Variants in CCDC3 observed in about 807,000 individuals in gnomAD.
The protein encoded by CCDC3 is coiled-coil domain containing 3.
Under a neutral mutation model 21.4 loss-of-function variants are expected in CCDC3, and 24 were observed. The observed-to-expected ratio is 1.12, with a 90% CI of 0.81 to 1.58. CCDC3 has a LOEUF of 1.58. Among genes scored for constraint, CCDC3 ranks in the 40% most tolerant of loss-of-function variants. CCDC3 has a pLI of 0.00. For synonymous variants in CCDC3, 186 were observed against 166.0 expected, an observed-to-expected ratio of 1.12 and a Z score of -0.93; for missense variants, 425 against 360.9, an observed-to-expected ratio of 1.18 and a Z score of -1.44.
chr10:12,913,331 T>A (rs1834298937), intron 2 of CCDC3, among the ~76,000 whole-genome samples: 1 of 152,270 alleles, frequency 6.6e-6, no homozygotes, highest in Non-Finnish European at 1.5e-5. Context: ...AGTATGTTAT[T>A]ATTTTGTAAC....
chr10:13,043,704 C>T (rs371865061), intron 5 of CCDC3, among the ~76,000 whole-genome samples: 34 of 152,304 alleles, frequency 2.2e-4, no homozygotes, highest in African/African-American at 7.5e-4. Context: ...TTCCTGGCTG[C>T]GTAGTATTCC....
chr10:13,018,023 C>T (rs537783211), intron 5 of CCDC3, among the ~76,000 whole-genome samples: 1 of 151,958 alleles, frequency 6.6e-6, no homozygotes, highest in African/African-American at 2.4e-5. Context: ...TAGAGCAGAG[C>T]AAACCCTAAA....
chr10:13,000,707 G>T (rs757739034), intron 1 of CCDC3, among the ~76,000 whole-genome samples: 7 of 152,168 alleles, frequency 4.6e-5, no homozygotes, highest in African/African-American at 1.4e-4. Context: ...CATGAGTTAC[G>T]TTCCTCACTC....
At chr10:12,994,151 A>G (rs1414591672) in intron 2 of CCDC3, among the ~76,000 whole-genome samples, 1 of 152,144 alleles carries the variant, frequency 6.6e-6, no homozygotes, top group Non-Finnish European at 1.5e-5. Flanking sequence ...TAATCCCAGA[A>G]CTTTGGGAGG....
chr10:12,960,172 C>CACACACACACA (rs1205161590), intron 2 of CCDC3, among the ~76,000 whole-genome samples: 2 of 145,664 alleles, frequency 1.4e-5, no homozygotes, highest in Admixed American at 6.8e-5. Context: ...ACACACAACA[C>CACACACACACA]ACACACACAC....
chr10:13,005,298 A>T (rs987138080), upstream of CCDC3, among the ~76,000 whole-genome samples: 2 of 152,332 alleles, frequency 1.3e-5, no homozygotes, highest in Admixed American at 1.3e-4. Flanking sequence ...GCCATAAACC[A>T]TATGAGTGGA....
At chr10:12,946,380 G>C (rs1426705940) in intron 2 of CCDC3, among the ~76,000 whole-genome samples, 2 of 152,208 alleles carry the variant, frequency 1.3e-5, no homozygotes, top group East Asian at 3.8e-4. Flanking sequence ...ATAACAAACT[G>C]CACCTTAATT....
chr10:12,983,169 T>TATATATATATATAC (rs1564308503), intron 2 of CCDC3, among the ~76,000 whole-genome samples: 2 of 133,416 alleles, frequency 1.5e-5, no homozygotes, highest in African/African-American at 5.6e-5. Context: ...TATATATATA[T>TATATATATATATAC]ATATAAAATC....
intron 2 of CCDC3, among the ~76,000 whole-genome samples, chr10:12,992,393 G>GAAACA (rs1288107302): frequency 2.6e-5 from 4 of 151,634 alleles, no homozygotes; most frequent in Non-Finnish European, 5.9e-5. Context: ...CATCTCAAAA[G>GAAACA]AAACAAAACA....
intron 2 of CCDC3, among the ~76,000 whole-genome samples, chr10:12,932,643 C>A (rs1347160543): frequency 6.6e-6 from 1 of 152,118 alleles, no homozygotes; most frequent in Admixed American, 6.5e-5. Context: ...AATCTGTATA[C>A]CTTTGATTTT....
At chr10:13,006,464 C>G (rs1835925636), upstream of CCDC3, among the ~76,000 whole-genome samples, 1 of 152,240 alleles carries the variant, frequency 6.6e-6, no homozygotes, top group South Asian at 2.1e-4. Flanking sequence ...CTGATGAGTT[C>G]AGTGGAGATG....
intron 2 of CCDC3, among the ~76,000 whole-genome samples, chr10:12,988,255 G>GC (rs1246388183): frequency 6.6e-6 from 1 of 152,104 alleles, no homozygotes; most frequent in Admixed American, 6.6e-5. Context: ...TGCCTGGCAT[G>GC]CTTTTCTGCC....
At chr10:13,020,267 G>A (rs1173302701) in intron 5 of CCDC3, among the ~76,000 whole-genome samples, 1 of 152,096 alleles carries the variant, frequency 6.6e-6, no homozygotes, top group Non-Finnish European at 1.5e-5. Flanking sequence ...TTCAGGGGTG[G>A]GACTCAGCTA....
At chr10:13,034,541 AT>A (rs750328502) in intron 5 of CCDC3, among the ~76,000 whole-genome samples, 7 of 146,984 alleles carry the variant, frequency 4.8e-5, no homozygotes, top group African/African-American at 7.6e-5. Flanking sequence ...AAAAAAAAAA[AT>A]GGGTACATTT....
In CCDC3 at chr10:13,063,648, C is replaced by A. The variant is rs116920115; in HGVS notation, c.-270+10220G>T. 6.1e-3 allele frequency among the ~76,000 whole-genome samples: 934 copies of A among 152,302 alleles called. 40 individuals are homozygous for A. The South Asian group carries it at 0.087, about 14-fold the overall frequency. ...GATTAAAAACCCAGTCGCCTAGCGCCAGAGTCTGTTCCACCAGATGTACCA... is the reference window on the plus strand; with the variant it reads ...GATTAAAAACCCAGTCGCCTAGCGCAAGAGTCTGTTCCACCAGATGTACCA... On this transcript the variant is annotated intron_variant, in intron 4 of 6. Transcript: ENST00000378839.
At chr10:12,931,522 C>T (rs949577824) in intron 2 of CCDC3, among the ~76,000 whole-genome samples, 2 of 152,212 alleles carry the variant, frequency 1.3e-5, no homozygotes, top group African/African-American at 2.4e-5. Context: ...GTTTCTGCTG[C>T]ACCAGCTATT....
intron 5 of CCDC3, among the ~76,000 whole-genome samples, chr10:13,024,691 T>C (rs1836192548): frequency 6.6e-6 from 1 of 152,372 alleles, no homozygotes; most frequent in African/African-American, 2.4e-5. Context: ...GCTTAACTTG[T>C]ACCTTCTGTT....
At chr10:12,976,015 G>T (rs1835412629) in intron 2 of CCDC3, among the ~76,000 whole-genome samples, 1 of 152,320 alleles carries the variant, frequency 6.6e-6, no homozygotes, top group Admixed American at 6.5e-5. Context: ...CTATTTGCCT[G>T]TAAGCCCTAT....
chr10:12,918,493 C>T (rs1250345993), intron 2 of CCDC3, among the ~76,000 whole-genome samples: 1 of 152,192 alleles, frequency 6.6e-6, no homozygotes, highest in Non-Finnish European at 1.5e-5. Flanking sequence ...AATTCCTAAT[C>T]AGGGAACCAA....
Sources: gnomAD v4.1 joint callset for allele counts (sites outside exome capture counted in the v4.1 genomes callset) on GRCh38, gnomAD v4.1.1 for gene constraint, MANE v1.5 for transcripts, NCBI Gene and HGNC (gene_info 2026-07-23, HGNC 2026-07-21) for gene names.